Variants in PPP6R2 observed in about 807,000 individuals in gnomAD.
PPP6R2 encodes the protein serine/threonine-protein phosphatase 6 regulatory subunit 2.
In PPP6R2, 62 loss-of-function variants were observed where a neutral mutation model predicts 100.2. That is an observed-to-expected ratio of 0.62 (90% confidence interval 0.50 to 0.76). The LOEUF is 0.76. Among genes scored for constraint, PPP6R2 ranks in the 30% least tolerant of loss-of-function variants. PPP6R2 has a pLI of 0.00. For synonymous variants in PPP6R2, 525 were observed against 514.7 expected, an observed-to-expected ratio of 1.02 and a Z score of -0.27; for missense variants, 1,142 against 1,276.3, an observed-to-expected ratio of 0.89 and a Z score of 1.60.
At chr22:50,372,504 G>A (rs553907682) in intron 2 of PPP6R2, among the ~76,000 whole-genome samples, 5 of 152,038 alleles carry the variant, frequency 3.3e-5, no homozygotes, top group Admixed American at 1.3e-4. Context: ...AGCCGAGATC[G>A]TGTCACTGTA....
At chr22:50,358,589 T>C (rs1482190219) in intron 1 of PPP6R2, among the ~76,000 whole-genome samples, 1 of 152,222 alleles carries the variant, frequency 6.6e-6, no homozygotes, top group African/African-American at 2.4e-5. Flanking sequence ...AAATTGTCAC[T>C]ATAGTCAGGA....
intron 2 of PPP6R2, among the ~76,000 whole-genome samples, chr22:50,379,682 C>A (rs2052450411): frequency 6.6e-6 from 1 of 152,104 alleles, no homozygotes; most frequent in South Asian, 2.1e-4. Flanking sequence ...GAGTTTGAGA[C>A]CAGCCTGGGC....
chr22:50,409,303 C>T (rs1243502494), intron 4 of PPP6R2, among the ~76,000 whole-genome samples: 2 of 152,172 alleles, frequency 1.3e-5, no homozygotes, highest in Non-Finnish European at 2.9e-5. Flanking sequence ...ATTTCATGAA[C>T]CCCCATGTCT....
chr22:50,338,315 G>T (rs1388479015), upstream of PPP6R2, among the ~76,000 whole-genome samples: 9 of 135,536 alleles, frequency 6.6e-5, no homozygotes, highest in Admixed American at 6.6e-4. Flanking sequence ...TGTGTGTGTG[G>T]TGTGTGGTGT....
intron 12 of PPP6R2, among the ~76,000 whole-genome samples, chr22:50,434,285 G>A (rs2063716857): frequency 1.5e-5 from 1 of 65,160 alleles, no homozygotes; most frequent in Non-Finnish European, 3.0e-5. Flanking sequence ...GAGGGCCGGG[G>A]GCATGGATGC....
chr22:50,423,654 G>T lies in PPP6R2; in HGVS notation c.1125+40G>T. 6.2e-7 allele frequency: 1 copy of T among 1,611,312 alleles called. No homozygotes were observed. The highest frequency in any genetic ancestry group is 8.5e-7 in the Non-Finnish European group (1 of 1,178,292). On this transcript the variant is annotated intron_variant, in intron 10 of 23. Transcript: ENST00000612753. The surrounding 1 kb of genome is among the most constrained non-coding windows in gnomAD (Gnocchi z 4.8). ...CAGCCAGCCCTGCATGTCTGTGAGT[G>T]TGCCGGGCATGGCCTGTGGACTTGT...
At chr22:50,360,833 T>C (rs1413222499) in intron 1 of PPP6R2, among the ~76,000 whole-genome samples, 1 of 152,210 alleles carries the variant, frequency 6.6e-6, no homozygotes, top group Non-Finnish European at 1.5e-5. Flanking sequence ...GGTTTGGCAC[T>C]GTGTAGAGTC....
At position 50,360,470 on chromosome 22, in the gene PPP6R2, C is replaced by T. The variant is rs1287413816; in HGVS notation, c.-147-11550C>T. 2.6e-5 allele frequency among the ~76,000 whole-genome samples: 4 copies of T among 152,034 alleles called. No homozygotes were observed. In the South Asian group the frequency reaches 6.2e-4, roughly 24 times the overall value. ...CTTGAACTCTCAGGCATAAGAGACC[C>T]TCCTGCCTCAGTTTCCTGAGTTGCT... On this transcript the variant is annotated intron_variant, in intron 1 of 23. Transcript: ENST00000612753.
At chr22:50,366,835 T>G (rs1049780632) in intron 1 of PPP6R2, among the ~76,000 whole-genome samples, 7 of 152,180 alleles carry the variant, frequency 4.6e-5, no homozygotes, top group African/African-American at 9.7e-5. Context: ...CTCCACTGCT[T>G]CTTCTTCCTT....
chr22:50,358,300 A>G (rs2047040200), intron 1 of PPP6R2, among the ~76,000 whole-genome samples: 1 of 152,140 alleles, frequency 6.6e-6, no homozygotes, highest in Non-Finnish European at 1.5e-5. Flanking sequence ...TGTTAATGGT[A>G]TCTTTTGATG....
At position 50,423,722 on chromosome 22, in the gene PPP6R2, G is replaced by T. The variant is rs2061625838; in HGVS notation, c.1125+108G>T. The T allele has an allele frequency of 7.9e-6, 11 of 1,392,648 alleles. No individual in the cohort carries two copies. The highest frequency in any genetic ancestry group is 1.1e-5 in the Non-Finnish European group (11 of 1,018,924). The allele number at this position is 1,392,648 out of a possible 1,614,324, so 86.3% of individuals were successfully genotyped here. The stretch of plus-strand genomic sequence containing the variant: ...GGCCCCAGCATTTGGACAAAGCTCT[G>T]CCACGGGGAGGTTCCAGTCCCAAGT... On this transcript the variant is annotated intron_variant, in intron 10 of 23. Coordinates refer to ENST00000612753, the MANE Select transcript of PPP6R2 (RefSeq NM_001242898.2). This position sits in a 1 kb window ranked among gnomAD's most constrained non-coding sequence, Gnocchi z 4.8.
In PPP6R2 at chr22:50,435,554, A is replaced by T. The variant is rs549093003; in HGVS notation, c.1516+473A>T. 5.6e-4 allele frequency among the ~76,000 whole-genome samples: 86 copies of T among 152,284 alleles called. 1 individual carries two copies. In the South Asian group the frequency reaches 5.8e-3, roughly 10 times the overall value. On this transcript the variant is annotated intron_variant, in intron 13 of 23. Coordinates refer to ENST00000612753, the MANE Select transcript of PPP6R2 (RefSeq NM_001242898.2). ...CTGTTTCTTAAGAACGCAGTGGGTTAGGTGGGCGCAGGCACAGCACATGTG... is the reference window on the plus strand; with the variant it reads ...CTGTTTCTTAAGAACGCAGTGGGTTTGGTGGGCGCAGGCACAGCACATGTG...
At chr22:50,402,328 C>CTT (rs566570369) in intron 3 of PPP6R2, among the ~76,000 whole-genome samples, 87 of 134,980 alleles carry the variant, frequency 6.4e-4, no homozygotes, top group South Asian at 3.1e-3. Flanking sequence ...ACCCCAGTTT[C>CTT]TTTTTTTTTT....
chr22:50,407,957 A>C (rs1179813456), intron 4 of PPP6R2, among the ~76,000 whole-genome samples: 3 of 152,188 alleles, frequency 2.0e-5, no homozygotes, highest in South Asian at 2.1e-4. Context: ...AACACAGCCC[A>C]CTGCAGTCTC....
At chr22:50,433,503 G>A (rs2063575625) in intron 12 of PPP6R2, among the ~76,000 whole-genome samples, 1 of 80,598 alleles carries the variant, frequency 1.2e-5, no homozygotes, top group Admixed American at 1.3e-4. Context: ...GCAGGGGCCG[G>A]GCATTTGCTC....
chr22:50,407,917 A>G (rs1340686871), intron 4 of PPP6R2, among the ~76,000 whole-genome samples: 1 of 152,124 alleles, frequency 6.6e-6, no homozygotes, highest in Non-Finnish European at 1.5e-5. Context: ...ACAGGGTCTC[A>G]CTACGCCCAG....
At chr22:50,339,368 GGCTTGCGTGTGGTATGTAGT>G (rs2042342640), upstream of PPP6R2, among the ~76,000 whole-genome samples, 1 of 144,056 alleles carries the variant, frequency 6.9e-6, no homozygotes, top group African/African-American at 2.6e-5. Flanking sequence ...TGGTGTGTGT[GGCTTGCGTGTGGTATGTAGT>G]GTGTGTGTGG....
chr22:50,347,462 A>G (rs986652920), intron 1 of PPP6R2, among the ~76,000 whole-genome samples: 3 of 151,274 alleles, frequency 2.0e-5, no homozygotes, highest in South Asian at 2.1e-4. Context: ...CTTACCCCGC[A>G]CTGCCCTGTT....
At chr22:50,389,531 G>A (rs1041001523) in intron 2 of PPP6R2, among the ~76,000 whole-genome samples, 4 of 151,622 alleles carry the variant, frequency 2.6e-5, no homozygotes, top group African/African-American at 9.7e-5. Flanking sequence ...ACTCTTAAAG[G>A]ATGTCTCTGA....
Sources: allele counts gnomAD v4.1 joint callset (sites outside exome capture counted in the v4.1 genomes callset), GRCh38; gene constraint gnomAD v4.1.1; non-coding constraint Gnocchi (gnomAD v3.1); transcripts MANE v1.5; gene names NCBI Gene and HGNC (gene_info 2026-07-23, HGNC 2026-07-21).